USP4: variants seen among roughly 807,000 people sequenced by gnomAD.
USP4 encodes ubiquitin carboxyl-terminal hydrolase 4.
USP4 carries 72 observed loss-of-function variants against 118.2 expected under a neutral mutation model. The observed-to-expected ratio is 0.61, with a 90% CI of 0.50 to 0.74. The LOEUF (loss-of-function observed/expected upper bound fraction) is 0.74, where lower values mean the gene tolerates loss of function less well. Ranked by LOEUF, USP4 falls within the 30% of genes least tolerant of loss-of-function variation. The pLI, the probability that USP4 is intolerant of heterozygous loss-of-function variation, is 0.00. For synonymous variants in USP4, 415 were observed against 440.4 expected, an observed-to-expected ratio of 0.94 and a Z score of 0.72; for missense variants, 1,037 against 1,185.7, an observed-to-expected ratio of 0.87 and a Z score of 1.84.
At chr3:49,301,088 C>A (rs1054599950) in intron 10 of USP4, among the ~76,000 whole-genome samples, 18 of 152,174 alleles carry the variant, frequency 1.2e-4, no homozygotes, top group Non-Finnish European at 2.6e-4. Flanking sequence ...TATAGGCATG[C>A]ATCACCATGC....
chr3:49,288,352 G>A (rs1415260670), intron 15 of USP4, among the ~76,000 whole-genome samples: 2 of 152,164 alleles, frequency 1.3e-5, no homozygotes, highest in Non-Finnish European at 2.9e-5. Flanking sequence ...CAGGAGCCTT[G>A]GGCCAATGCA....
intron 19 of USP4, among the ~76,000 whole-genome samples, chr3:49,282,975 T>G (rs1431924436): frequency 6.7e-6 from 1 of 148,860 alleles, no homozygotes; most frequent in Non-Finnish European, 1.5e-5. Flanking sequence ...CCCACAGTGC[T>G]GGGATTACAG....
At chr3:49,288,104 T>A (rs1330238679) in intron 15 of USP4, among the ~76,000 whole-genome samples, 1 of 152,220 alleles carries the variant, frequency 6.6e-6, no homozygotes, top group African/African-American at 2.4e-5. Context: ...CCCCTGGCTC[T>A]CATGGAGGTT....
chr3:49,298,759 G>A (rs770492154), intron 11 of USP4, 124 bp from the exon 12 acceptor site: 2 of 800,514 alleles, frequency 2.5e-6, no homozygotes, highest in African/African-American at 3.4e-5. Flanking sequence ...TGAGGTCAGG[G>A]TACAGATGAG....
Position 49,331,969 on chromosome 3 carries a change from C to T in USP4, c.229+3500G>A, listed in dbSNP as rs368212421. 4.7e-5 allele frequency among the ~76,000 whole-genome samples: 5 copies of T among 105,870 alleles called. No homozygotes were observed. In the East Asian group the frequency reaches 1.4e-3, roughly 30 times the overall value. 69.5% of individuals were successfully genotyped at this position (105,870 alleles called of 152,430 possible). On this transcript the variant is annotated intron_variant, in intron 2 of 21. Transcript: ENST00000265560. ...GCAACACGGCAAAATCCCATCTCTA[C>T]AAAAAAAAAAAAAAAATACAAAGCT...
In USP4 at chr3:49,305,065, T is replaced by TTTG. The variant is rs371573239; in HGVS notation, c.1128+647_1128+649dup. On this transcript the variant is annotated intron_variant, in intron 9 of 21. Transcript: ENST00000265560. ...GAATGAGCCACCACGCCTGGACTTT[T>TTTG]TTGTTGTTGTTGTTGTTTTTTCTTT... Among the ~76,000 whole-genome samples the TTTG allele has an allele frequency of 7.5e-3, 1,060 of 140,622 alleles. 10 individuals are homozygous for TTTG. The highest frequency in any genetic ancestry group is 0.023 in the South Asian group (102 of 4,390). The allele number at this position is 140,622 out of a possible 152,430, so 92.3% of individuals were successfully genotyped here. A position where few individuals can be genotyped will look rare whatever the true frequency, so the allele number is the denominator to read the frequency against.
intron 6 of USP4, among the ~76,000 whole-genome samples, chr3:49,322,533 C>T (rs1056736279): frequency 1.3e-5 from 2 of 152,066 alleles, no homozygotes; most frequent in Non-Finnish European, 2.9e-5. Flanking sequence ...TGTTGCCTGA[C>T]TTGTTTGTAT....
intron 2 of USP4, among the ~76,000 whole-genome samples, chr3:49,328,314 C>T (rs555097586): frequency 2.8e-4 from 42 of 151,908 alleles, no homozygotes; most frequent in African/African-American, 7.7e-4. Context: ...GCCAAGATCA[C>T]GCCACTGCAC....
rs192424965 is a variant in USP4 at position 49,297,206 on chromosome 3, G to C, written c.1691+664C>G. Among the ~76,000 whole-genome samples, 4 of 152,324 alleles carry C rather than the reference G, an allele frequency of 2.6e-5. No homozygotes were observed. In the East Asian group the frequency reaches 7.7e-4, roughly 29 times the overall value. On this transcript the variant is annotated intron_variant, in intron 13 of 21. Coordinates refer to ENST00000265560, the MANE Select transcript of USP4 (RefSeq NM_003363.4). ...CTCCATACTTCCTGGGCAAGTGGCT[G>C]CCTGGGAGCAGCAGGCAAGTTCATG...
chr3:49,305,773 T>C lies in USP4; in HGVS notation c.1070A>G (p.Glu357Gly). The change falls in exon 9 of 22, where the codon GAA becomes GGA. Residue 357 changes from glutamate (E) to glycine (G), a missense_variant. Coordinates refer to ENST00000265560, the MANE Select transcript of USP4 (RefSeq NM_003363.4). ...TCCAGACCACATCTGCTTAATGAGT[T>C]CAGCATAGGCTTCTGCAATTTCCCC... ...MKGEIAEAYAELIKQMWSGRD... is the reference protein window; with the variant it reads ...MKGEIAEAYAGLIKQMWSGRD... 6.2e-7 allele frequency: 1 copy of C among 1,613,922 alleles called. No individual in the cohort carries two copies.
intron 13 of USP4, among the ~76,000 whole-genome samples, chr3:49,295,694 GCA>G (rs1477058273): frequency 2.0e-5 from 3 of 147,826 alleles, no homozygotes; most frequent in African/African-American, 7.8e-5. Context: ...CTAAACATAT[GCA>G]CGTGTGCGCG....
intron 13 of USP4, 89 bp downstream of exon 13, chr3:49,297,781 C>T: frequency 1.8e-6 from 2 of 1,104,892 alleles, no homozygotes; most frequent in Non-Finnish European, 2.7e-6. Context: ...AATGACTGCC[C>T]ACATTTTTGT....
At chr3:49,320,597 C>T (rs1398917702) in intron 6 of USP4, among the ~76,000 whole-genome samples, 1 of 152,194 alleles carries the variant, frequency 6.6e-6, no homozygotes, top group African/African-American at 2.4e-5. Context: ...TAGGCACATA[C>T]CACTGTATCC....
intron 6 of USP4, among the ~76,000 whole-genome samples, chr3:49,320,378 G>T (rs35634107): frequency 6.6e-6 from 1 of 152,192 alleles, no homozygotes. Context: ...GGAGGCAGAG[G>T]TTGCAGTGAG....
chr3:49,317,354 C>A (rs899852905), intron 6 of USP4: 2 of 1,202,244 alleles, frequency 1.7e-6, no homozygotes, highest in Non-Finnish European at 1.2e-6. Context: ...TTCTTGTCCT[C>A]CTCCTGCTGG....
chr3:49,323,271 TA>T (rs1173500243), intron 6 of USP4, among the ~76,000 whole-genome samples: 13,706 of 101,200 alleles, frequency 0.14, 856 homozygotes, highest in Non-Finnish European at 0.17. Flanking sequence ...CTGGCCTTTT[TA>T]AAAAAAAAAA....
Position 49,277,395 on chromosome 3 carries a change from G to T in USP4, c.*898C>A, listed in dbSNP as rs2046974968. On this transcript the variant is annotated 3_prime_UTR_variant, in exon 22 of 22. Coordinates refer to ENST00000265560, the MANE Select transcript of USP4 (RefSeq NM_003363.4). ...AATGGGGGCCCCGGGAAGAGTCTTG[G>T]CAGGGATGAGGAAAGAACCCGTTCT... is the stretch of plus-strand genomic sequence containing the variant. 5.0e-6 allele frequency: 2 copies of T among 400,848 alleles called. No homozygotes were observed. The highest frequency in any genetic ancestry group is 8.8e-6 in the Non-Finnish European group (2 of 226,286). 24.8% of individuals were successfully genotyped at this position (400,848 alleles called of 1,614,324 possible).
rs190784929 is a variant in USP4, at chr3:49,337,847, A to G, written c.101+2077T>C. The stretch of plus-strand genomic sequence containing the variant: ...TGGATCACGAGGTCAGGAGATCGAG[A>G]CCATCCTGGCCAACATGGTGAAACC... On this transcript the variant is annotated intron_variant, in intron 1 of 21. Transcript: ENST00000265560. Among the ~76,000 whole-genome samples the G allele has an allele frequency of 1.5e-3, 232 of 151,512 alleles. 5 individuals are homozygous for G. Among genetic ancestry groups the G allele is most frequent in the Middle Eastern group, 6.8e-3 (2 of 294 alleles).
chr3:49,303,611 T>C (rs2047282427), intron 9 of USP4, among the ~76,000 whole-genome samples: 1 of 152,260 alleles, frequency 6.6e-6, no homozygotes, highest in South Asian at 2.1e-4. Flanking sequence ...CAGAGGTGCT[T>C]GAGCTGGTAG....
Sources: allele counts gnomAD v4.1 joint callset (sites outside exome capture counted in the v4.1 genomes callset), GRCh38; gene constraint gnomAD v4.1.1; transcripts MANE v1.5; gene names NCBI Gene and HGNC (gene_info 2026-07-23, HGNC 2026-07-21).